OCRL: variants seen among roughly 807,000 people sequenced by gnomAD.
OCRL encodes inositol polyphosphate 5-phosphatase OCRL.
Under a neutral mutation model 78.9 loss-of-function variants are expected in OCRL, and 8 were observed. That is an observed-to-expected ratio of 0.10 (90% CI 0.06 to 0.18). OCRL has a LOEUF of 0.18. Among genes scored for constraint, OCRL ranks in the 10% least tolerant of loss-of-function variants. The pLI is 1.00. For synonymous variants in OCRL, 240 were observed against 235.4 expected, an observed-to-expected ratio of 1.02 and a Z score of -0.18; for missense variants, 454 against 696.7, an observed-to-expected ratio of 0.65 and a Z score of 3.92.
In OCRL at chrX:129,557,853, C is replaced by G; in HGVS notation, c.350-8C>G. On this transcript the variant is annotated splice_polypyrimidine_tract_variant and splice_region_variant and intron_variant, in intron 5 of 23. Coordinates refer to ENST00000371113, the MANE Select transcript of OCRL (RefSeq NM_000276.4). ...CCCAGTTTCTGACCATGAACCTTAT[C>G]TCTCTAGCTCAGTCACAGCTTCTTG... 1 of 1,160,753 alleles carries G rather than the reference C, an allele frequency of 8.6e-7. No homozygotes were observed. Among genetic ancestry groups the G allele is most frequent in the Non-Finnish European group, 1.2e-6 (1 of 848,801 alleles).
At chrX:129,578,222 G>A (rs1035109986) in intron 18 of OCRL, among the ~76,000 whole-genome samples, 1 of 110,971 alleles carries the variant, frequency 9.0e-6, no homozygotes, top group African/African-American at 3.3e-5. Flanking sequence ...TTTAACATTC[G>A]GTCCATATTC....
At chrX:129,557,167 T>A (rs934894543) in intron 4 of OCRL, among the ~76,000 whole-genome samples, 158 bp from the exon 5 acceptor site, 5 of 111,479 alleles carry the variant, frequency 4.5e-5, no homozygotes, top group Non-Finnish European at 9.4e-5. Context: ...ACCACCGTCA[T>A]ACTGACTCTC....
chrX:129,558,513 G>T, intron 6 of OCRL, 120 bp from the exon 7 acceptor site: 1 of 850,833 alleles, frequency 1.2e-6, no homozygotes, highest in Non-Finnish European at 1.7e-6. Flanking sequence ...CTACCCTTAT[G>T]ATAGTTTTCT....
intron 1 of OCRL, 45 bp from the exon 2 acceptor site, chrX:129,540,699 C>T (rs1935783912): frequency 5.4e-5 from 59 of 1,093,617 alleles, no homozygotes; most frequent in Non-Finnish European, 7.3e-5. Flanking sequence ...TGCACCACTC[C>T]TCCCCACCGC....
chrX:129,588,167 C>T lies in OCRL; in HGVS notation c.2257-12C>T. The T allele has an allele frequency of 8.5e-7, 1 of 1,170,689 alleles. No individual in the cohort carries two copies. Among genetic ancestry groups the T allele is most frequent in the Non-Finnish European group, 1.2e-6 (1 of 858,298 alleles). Reference sequence around the variant, plus strand: ...TATCTTGCCTGTCCCTTCATTCTGACTTCTTTGGTAGGAGGACCTGTTCCA... The same window carrying T: ...TATCTTGCCTGTCCCTTCATTCTGATTTCTTTGGTAGGAGGACCTGTTCCA... On this transcript the variant is annotated splice_polypyrimidine_tract_variant and intron_variant, in intron 20 of 23. Coordinates refer to ENST00000371113, the MANE Select transcript of OCRL (RefSeq NM_000276.4).
chrX:129,561,106 C>A, intron 9 of OCRL, 73 bp from the exon 10 acceptor site: 1 of 672,994 alleles, frequency 1.5e-6, no homozygotes, highest in Non-Finnish European at 2.5e-6. Context: ...TCTAATGTTT[C>A]AACATATGGG....
chrX:129,573,456 C>T (rs970324247), intron 15 of OCRL, among the ~76,000 whole-genome samples: 2 of 111,726 alleles, frequency 1.8e-5, no homozygotes, highest in Non-Finnish European at 3.8e-5. Context: ...CTTCAACTCC[C>T]ACCTATAAGT....
At chrX:129,563,456 A>T (rs961274561) in intron 12 of OCRL, among the ~76,000 whole-genome samples, 10 of 112,088 alleles carry the variant, frequency 8.9e-5, no homozygotes, top group Non-Finnish European at 1.9e-4. Flanking sequence ...TTAAAATTAT[A>T]TTGTGAGGTG....
intron 4 of OCRL, among the ~76,000 whole-genome samples, chrX:129,554,963 A>C (rs1299632414): frequency 1.0e-5 from 1 of 100,374 alleles, no homozygotes; most frequent in African/African-American, 3.6e-5. Context: ...AAATAAATAA[A>C]TAAATAAATA....
chrX:129,567,410 T>A (rs761896983), intron 14 of OCRL, 47 bp downstream of exon 14: 2 of 920,138 alleles, frequency 2.2e-6, no homozygotes, highest in Admixed American at 2.3e-5. Flanking sequence ...GGCTTGATCT[T>A]ATTTCTGACC....
chrX:129,572,833 A>G (rs936223858), intron 15 of OCRL, among the ~76,000 whole-genome samples: 1 of 111,663 alleles, frequency 9.0e-6, no homozygotes, highest in African/African-American at 3.3e-5. Flanking sequence ...ACTCAAGTTG[A>G]TTCTGTCACA....
At chrX:129,585,630 T>C (rs1936502250) in intron 19 of OCRL, among the ~76,000 whole-genome samples, 1 of 111,776 alleles carries the variant, frequency 8.9e-6, no homozygotes, top group African/African-American at 3.3e-5. Context: ...TTGATAGACA[T>C]TCTGGCAACT....
intron 14 of OCRL, among the ~76,000 whole-genome samples, chrX:129,567,902 CTTTTTTTTTTTTT>C (rs56035022): frequency 1.1e-5 from 1 of 91,427 alleles, no homozygotes; most frequent in Non-Finnish European, 2.2e-5. Context: ...TTAGTAGACC[CTTTTTTTTTTTTT>C]TTTTTTTTTG....
intron 8 of OCRL, among the ~76,000 whole-genome samples, chrX:129,559,840 C>T (rs1936121187): frequency 1.8e-5 from 2 of 111,253 alleles, no homozygotes; most frequent in African/African-American, 6.5e-5. Context: ...ATGTGAGGTA[C>T]CATGTGGCAT....
intron 18 of OCRL, among the ~76,000 whole-genome samples, chrX:129,582,916 T>C (rs1002101362): frequency 5.4e-5 from 6 of 111,627 alleles, no homozygotes; most frequent in African/African-American, 1.6e-4. Flanking sequence ...GACAGTAAGA[T>C]TGGGATTTCT....
intron 4 of OCRL, among the ~76,000 whole-genome samples, chrX:129,555,798 T>C (rs1217473432): frequency 5.3e-5 from 6 of 112,513 alleles, no homozygotes; most frequent in African/African-American, 1.9e-4. Flanking sequence ...TTTGTGTGTG[T>C]GTGAGAGATA....
chrX:129,577,808 G>C (rs1192971318), intron 18 of OCRL, among the ~76,000 whole-genome samples: 4 of 112,100 alleles, frequency 3.6e-5, no homozygotes, highest in Non-Finnish European at 5.6e-5. Flanking sequence ...CTACCGTTCT[G>C]CTGTTTTTCA....
intron 4 of OCRL, 51 bp downstream of exon 4, chrX:129,548,652 G>C (rs1162042286): frequency 2.0e-6 from 2 of 1,020,090 alleles, no homozygotes; most frequent in Non-Finnish European, 2.8e-6. Context: ...ATATTTACTT[G>C]AACACTCACT....
chrX:129,544,500 G>C (rs753247701), intron 2 of OCRL, among the ~76,000 whole-genome samples: 8 of 111,448 alleles, frequency 7.2e-5, no homozygotes, highest in Admixed American at 1.9e-4. Context: ...AAAAGCCATG[G>C]GAATATAATT....
Sources: allele counts gnomAD v4.1 joint callset (sites outside exome capture counted in the v4.1 genomes callset), GRCh38; gene constraint gnomAD v4.1.1; transcripts MANE v1.5; gene names NCBI Gene and HGNC (gene_info 2026-07-23, HGNC 2026-07-21).